ABTB3: variants seen among roughly 807,000 people sequenced by gnomAD.
ABTB3 encodes ankyrin repeat- and BTB/POZ domain-containing protein 3.
At chr12:107,501,872 C>T in the ABTB3 span, among the ~76,000 whole-genome samples, 659 of 152,032 alleles carry the variant, frequency 4.3e-3, 2 homozygotes, top group Non-Finnish European at 6.1e-3. Context: ...GTCTGTAATG[C>T]GAATGTGATG....
chr12:107,559,977 T>C, the ABTB3 span, among the ~76,000 whole-genome samples: 5 of 152,190 alleles, frequency 3.3e-5, no homozygotes, highest in African/African-American at 1.2e-4. Flanking sequence ...AAAATCATTA[T>C]TTAGTTTATT....
the ABTB3 span, among the ~76,000 whole-genome samples, chr12:107,456,486 G>C: frequency 6.6e-6 from 1 of 152,134 alleles, no homozygotes; most frequent in Non-Finnish European, 1.5e-5. Context: ...TCTAATGCCT[G>C]GTGATCTGTC....
chr12:107,464,742 G>A, the ABTB3 span, among the ~76,000 whole-genome samples: 1 of 152,320 alleles, frequency 6.6e-6, no homozygotes. Flanking sequence ...ATGTATTTGA[G>A]CAAGGAGATG....
At chr12:107,495,583 A>G in the ABTB3 span, among the ~76,000 whole-genome samples, 1 of 152,188 alleles carries the variant, frequency 6.6e-6, no homozygotes, top group Admixed American at 6.5e-5. Context: ...GCCTCCTTCC[A>G]TGCCCACCTC....
At chr12:107,449,518 A>T in the ABTB3 span, among the ~76,000 whole-genome samples, 1 of 152,234 alleles carries the variant, frequency 6.6e-6, no homozygotes, top group East Asian at 1.9e-4. Flanking sequence ...CTGTTTTGGA[A>T]TCCCTCCAAG....
At chr12:107,482,920 CTTTCT>C in the ABTB3 span, among the ~76,000 whole-genome samples, 79 of 35,628 alleles carry the variant, frequency 2.2e-3, no homozygotes, top group African/African-American at 0.013. Context: ...CTTCTTCTTT[CTTTCT>C]TTCTTTCTTT....
At chr12:107,547,455 T>A in the ABTB3 span, among the ~76,000 whole-genome samples, 6 of 152,166 alleles carry the variant, frequency 3.9e-5, no homozygotes, top group African/African-American at 1.4e-4. Flanking sequence ...CAGAGTGTAG[T>A]TGGAGTGGCT....
the ABTB3 span, among the ~76,000 whole-genome samples, chr12:107,654,832 A>ACACACACACACACACG: frequency 1.4e-4 from 20 of 147,460 alleles, no homozygotes; most frequent in Non-Finnish European, 2.8e-4. Flanking sequence ...ACACACACAC[A>ACACACACACACACACG]CACACACACA....
chr12:107,433,349 C>G, the ABTB3 span, among the ~76,000 whole-genome samples: 2 of 143,074 alleles, frequency 1.4e-5, no homozygotes, highest in African/African-American at 5.3e-5. Context: ...AGGGAGGAGG[C>G]AAGGGGGTTT....
At chr12:107,537,023 T>C in the ABTB3 span, among the ~76,000 whole-genome samples, 9 of 152,182 alleles carry the variant, frequency 5.9e-5, no homozygotes, top group Non-Finnish European at 1.0e-4. Flanking sequence ...TGTGTATATT[T>C]ATACAATGGA....
chr12:107,659,024 A>C, the ABTB3 span: 1 of 152,660 alleles, frequency 6.6e-6, no homozygotes, highest in Non-Finnish European at 1.5e-5. Flanking sequence ...ATAACTTTTC[A>C]GTTGCGGCCT....
the ABTB3 span, among the ~76,000 whole-genome samples, chr12:107,461,628 T>C: frequency 9.8e-4 from 137 of 140,042 alleles, no homozygotes; most frequent in African/African-American, 3.5e-3. Flanking sequence ...CCTCGGCTCT[T>C]GTGGTTTCTG....
chr12:107,584,522 C>T, the ABTB3 span, among the ~76,000 whole-genome samples: 165 of 152,336 alleles, frequency 1.1e-3, 5 homozygotes, highest in East Asian at 0.028. Context: ...AGTTCTGAGT[C>T]GGTCAGAGCT....
At chr12:107,353,020 A>G in the ABTB3 span, among the ~76,000 whole-genome samples, 3 of 152,206 alleles carry the variant, frequency 2.0e-5, no homozygotes, top group Non-Finnish European at 4.4e-5. Flanking sequence ...TTTGATTGCC[A>G]GCTCTCCAAC....
At chr12:107,644,123 T>C in the ABTB3 span, among the ~76,000 whole-genome samples, 60,712 of 151,812 alleles carry the variant, frequency 0.4, 12,771 homozygotes, top group African/African-American at 0.47. Context: ...AAATGATGCG[T>C]CCAAAGTCTT....
the ABTB3 span, chr12:107,319,663 G>T: frequency 1.3e-6 from 2 of 1,536,880 alleles, no homozygotes; most frequent in Non-Finnish European, 1.7e-6. Context: ...CAGCCTGCAT[G>T]GAGAGCCTCT....
the ABTB3 span, among the ~76,000 whole-genome samples, chr12:107,644,555 T>A: frequency 6.6e-6 from 1 of 152,296 alleles, no homozygotes; most frequent in South Asian, 2.1e-4. Flanking sequence ...GAGAACATTT[T>A]AAAATGCAGA....
At chr12:107,638,254 A>G in the ABTB3 span, among the ~76,000 whole-genome samples, 1 of 152,144 alleles carries the variant, frequency 6.6e-6, no homozygotes, top group African/African-American at 2.4e-5. Flanking sequence ...CACCAGGACC[A>G]CCGTCTGGGC....
the ABTB3 span, among the ~76,000 whole-genome samples, chr12:107,548,686 G>C: frequency 1.3e-5 from 2 of 152,028 alleles, no homozygotes; most frequent in Non-Finnish European, 2.9e-5. Flanking sequence ...TAATATTTAC[G>C]ATTAGGTGAT....
Sources: allele counts gnomAD v4.1 joint callset (sites outside exome capture counted in the v4.1 genomes callset), GRCh38; gene constraint gnomAD v4.1.1; transcripts MANE v1.5; gene names NCBI Gene and HGNC (gene_info 2026-07-23, HGNC 2026-07-21).